Variants in ERN2 observed in about 807,000 individuals in gnomAD.
ERN2 encodes the protein endoplasmic reticulum to nucleus signaling 2.
In ERN2, 111 loss-of-function variants were observed where a neutral mutation model predicts 107.9. That is an observed-to-expected ratio of 1.03 (90% CI 0.88 to 1.20). ERN2 has a LOEUF of 1.20. Among genes scored for constraint, ERN2 ranks in the 50% most tolerant of loss-of-function variants. The pLI is 0.00. For missense variants in ERN2, 1,225 were observed against 1,197.9 expected (o/e 1.02, Z -0.33); for synonymous variants, 524 against 501.7 (o/e 1.04, Z -0.59).
Position 23,706,376 on chromosome 16 carries a change from G to T in ERN2, c.543C>A (p.Thr181=). ...PRAPALRWNT[T]YRRYSAPPMD... ...TGGGGGGCGCTGAGTAGCGGCGGTA[G>T]GTGGTGTTCCAGCGCAGGGCTGGGG... is the stretch of plus-strand genomic sequence containing the variant. Residue 181 remains threonine, a synonymous_variant, in exon 7 of 22, where the codon ACC becomes ACA. Transcript: ENST00000256797. The T allele has an allele frequency of 6.4e-7, 1 of 1,570,448 alleles. No homozygotes were observed. Among genetic ancestry groups the T allele is most frequent in the East Asian group, 2.3e-5 (1 of 43,038 alleles).
chr16:23,702,712 G>A lies in ERN2; in HGVS notation c.855-10C>T, dbSNP rs1489675755. 4 of 1,610,768 alleles carry A rather than the reference G, an allele frequency of 2.5e-6. No individual in the cohort carries two copies. Among genetic ancestry groups the A allele is most frequent in the Non-Finnish European group, 3.4e-6 (4 of 1,176,950 alleles). On this transcript the variant is annotated splice_polypyrimidine_tract_variant and intron_variant, in intron 8 of 21. Transcript: ENST00000256797. ...CACATACAGCGTCATTCTAGTGGGAGAGAAGAAAAAGAAGAGAAGAATGAA... is the reference window on the plus strand; with the variant it reads ...CACATACAGCGTCATTCTAGTGGGAAAGAAGAAAAAGAAGAGAAGAATGAA...
intron 7 of ERN2, 125 bp from the exon 8 acceptor site, chr16:23,705,272 G>T: frequency 1.8e-6 from 2 of 1,095,976 alleles, no homozygotes; most frequent in Non-Finnish European, 2.6e-6. Flanking sequence ...CTGGACATGA[G>T]AATGTTTGTT....
chr16:23,705,778 G>A (rs963633779), intron 7 of ERN2, among the ~76,000 whole-genome samples: 3 of 152,162 alleles, frequency 2.0e-5, no homozygotes, highest in South Asian at 2.1e-4. Context: ...GCCAGGCTTG[G>A]TGGTACACAT....
intron 4 of ERN2, among the ~76,000 whole-genome samples, chr16:23,708,116 T>G (rs1210736327): frequency 6.6e-6 from 1 of 152,146 alleles, no homozygotes; most frequent in East Asian, 1.9e-4. Context: ...GGTGGTGCTC[T>G]CGGGACAGCT....
At chr16:23,700,062 C>T (rs539999755) in intron 13 of ERN2, among the ~76,000 whole-genome samples, 1 of 152,084 alleles carries the variant, frequency 6.6e-6, no homozygotes, top group African/African-American at 2.4e-5. Context: ...GGCATGGTGA[C>T]TCATGCCTGT....
chr16:23,695,413 G>A lies in ERN2; in HGVS notation c.1611-24C>T, dbSNP rs752467544. 10 of 1,562,902 alleles carry A rather than the reference G, an allele frequency of 6.4e-6. 1 individual carries two copies. The Admixed American group carries it at 1.2e-4, about 18-fold the overall frequency. On this transcript the variant is annotated intron_variant, in intron 14 of 21. Transcript: ENST00000256797. ...CCCTGGAAAGTGGGTGATGGCGGGG[G>A]CAGGGGGGCATTCAGGGAAAGCAGA...
In ERN2 at chr16:23,700,983, C is replaced by A; in HGVS notation, c.1335G>T (p.Gly445=). 1 of 1,614,074 alleles carries A rather than the reference C, an allele frequency of 6.2e-7. No homozygotes were observed. Among genetic ancestry groups the A allele is most frequent in the Non-Finnish European group, 8.5e-7 (1 of 1,179,970 alleles). ...CCTGCCTCATCACAAAGAGAATCCA[C>A]CCTCCCAGGAGGACAGCAGTGAGGC... The part of the protein sequence containing the change: ...AASLTAVLLG[G]WILFVMRQQQ... The change falls in exon 12 of 22, where the codon GGG becomes GGT. Residue 445 remains glycine (G), a synonymous_variant. Coordinates refer to ENST00000256797, the MANE Select transcript of ERN2 (RefSeq NM_033266.4).
Position 23,695,087 on chromosome 16 carries a change from C to T in ERN2, c.1832G>A (p.Gly611Asp), listed in dbSNP as rs552157277. 5 of 1,613,894 alleles carry T rather than the reference C, an allele frequency of 3.1e-6. No homozygotes were observed. Among genetic ancestry groups the T allele is most frequent in the Admixed American group, 1.7e-5 (1 of 59,966 alleles). Residue 611 changes from glycine to aspartate, a missense_variant, in exon 16 of 22, where the codon GGT becomes GAT. By Grantham distance (94) the Gly-to-Asp change is moderately conservative. Transcript: ENST00000256797. ...CTGCAGCACGACCTCGGGCTCCAGA[C>T]CCCCGCGATCCAGGTCCGGGTTTTC... ...YVENPDLDRG[G>D]LEPEVVLQQL...
chr16:23,695,073 C>T lies in ERN2; in HGVS notation c.1846G>A (p.Val616Ile). The change falls in exon 16 of 22, where the codon GTC becomes ATC. Residue 616 changes from valine (V) to isoleucine (I), a missense_variant. Physicochemically the swap from Val to Ile is conservative, Grantham distance 29 (BLOSUM62 3). Coordinates refer to ENST00000256797, the MANE Select transcript of ERN2 (RefSeq NM_033266.4). ...CCAGACATCAGCTGCTGCAGCACGA[C>T]CTCGGGCTCCAGACCCCCGCGATCC... ...DLDRGGLEPE[V>I]VLQQLMSGLA... is the part of the protein sequence containing the mutation. 1 of 1,613,864 alleles carries T rather than the reference C, an allele frequency of 6.2e-7. No individual in the cohort carries two copies. The highest frequency in any genetic ancestry group is 8.5e-7 in the Non-Finnish European group (1 of 1,179,930).
Position 23,700,514 on chromosome 16 carries a change from C to T in ERN2, c.1525+25G>A, listed in dbSNP as rs542233388. 96 of 1,594,246 alleles carry T rather than the reference C, an allele frequency of 6.0e-5. 2 individuals carry two copies. The South Asian group carries it at 9.0e-4, about 15-fold the overall frequency. Reference sequence around the variant, plus strand: ...CCTGGCTTTTCTCTGTTCCTGACTGCCCTGTCTTGTTCACACAGGCTCACC... The same window carrying T: ...CCTGGCTTTTCTCTGTTCCTGACTGTCCTGTCTTGTTCACACAGGCTCACC... On this transcript the variant is annotated intron_variant, in intron 13 of 21. Coordinates refer to ENST00000256797, the MANE Select transcript of ERN2 (RefSeq NM_033266.4).
Position 23,695,300 on chromosome 16 carries a change from TC to T in ERN2, c.1699del (p.Glu567SerfsTer36). ...GAGCACGTTGGGGTGCCTGTCAGAC[TC>T]CTGCAGCAGTTGAACTTCCCGCCGA... ...LVRREVQLLQESDRHPNVLRY... is the reference protein window; with the variant it reads ...LVRREVQLLQXSDRHPNVLRY... On this transcript the variant is annotated frameshift_variant, in exon 15 of 22. Coordinates refer to ENST00000256797, the MANE Select transcript of ERN2 (RefSeq NM_033266.4). LOFTEE classifies it high-confidence loss of function. 6.2e-7 allele frequency: 1 copy of T among 1,613,896 alleles called. No homozygotes were observed. The highest frequency in any genetic ancestry group is 8.5e-7 in the Non-Finnish European group (1 of 1,179,970).
intron 17 of ERN2, among the ~76,000 whole-genome samples, chr16:23,693,352 C>T (rs919298660): frequency 2.6e-5 from 4 of 152,008 alleles, no homozygotes; most frequent in Non-Finnish European, 4.4e-5. Flanking sequence ...TTTGGGAGGC[C>T]GAGGTAGGTG....
chr16:23,690,750 C>T lies in ERN2; in HGVS notation c.*81G>A. 1.2e-6 allele frequency: 1 copy of T among 802,608 alleles called. No homozygotes were observed. Among genetic ancestry groups the T allele is most frequent in the South Asian group, 2.0e-5 (1 of 50,248 alleles). The allele number at this position is 802,608 out of a possible 1,614,324, so 49.7% of individuals were successfully genotyped here. On this transcript the variant is annotated 3_prime_UTR_variant, in exon 22 of 22. Coordinates refer to ENST00000256797, the MANE Select transcript of ERN2 (RefSeq NM_033266.4). ...GATTACAGGTGTGAGCCACTGCACC[C>T]AGCCTGATTCTGAGGCCAGCCACAG...
chr16:23,709,228 C>A (rs774565344), intron 4 of ERN2: 1 of 454,390 alleles, frequency 2.2e-6, no homozygotes, highest in African/African-American at 2.0e-5. Flanking sequence ...GCCAGGAGTT[C>A]GAGGCTGCAG....
chr16:23,693,356 G>A (rs745778726), intron 17 of ERN2, among the ~76,000 whole-genome samples: 10 of 152,064 alleles, frequency 6.6e-5, no homozygotes, highest in Admixed American at 1.3e-4. Flanking sequence ...GGAGGCCGAG[G>A]TAGGTGAATC....
chr16:23,708,815 C>G (rs1960427311), intron 4 of ERN2, among the ~76,000 whole-genome samples: 3 of 152,164 alleles, frequency 2.0e-5, no homozygotes, highest in Admixed American at 2.0e-4. Flanking sequence ...TGAGGTCTCT[C>G]CAGAAGCAGA....
intron 14 of ERN2, 41 bp from the exon 15 acceptor site, chr16:23,695,430 G>T: frequency 6.5e-7 from 1 of 1,543,284 alleles, no homozygotes. Context: ...GGCATTCAGG[G>T]AAAGCAGATA....
Position 23,692,322 on chromosome 16 carries a change from C to G in ERN2, c.2110G>C (p.Val704Leu). The change falls in exon 18 of 22, where the codon GTG (valine) becomes CTG (leucine). Residue 704 changes from valine to leucine, a missense_variant. By Grantham distance (32) the Val-to-Leu change is conservative (BLOSUM62 1). Transcript: ENST00000256797. Reference sequence around the variant, plus strand: ...ACGCAGCCTGCAGAGAAGATGTCCACAGCGCTGGTCTGGAGCCAGAGAGAT... The same window carrying G: ...ACGCAGCCTGCAGAGAAGATGTCCAGAGCGCTGGTCTGGAGCCAGAGAGAT... Reference protein sequence around the residue: ...LLPPDSPTSAVDIFSAGCVFY... With the variant: ...LLPPDSPTSALDIFSAGCVFY... 1.2e-6 allele frequency: 2 copies of G among 1,613,048 alleles called. No homozygotes were observed. The highest frequency in any genetic ancestry group is 2.2e-5 in the South Asian group (2 of 91,078).
rs775043331 is a variant in ERN2, at chr16:23,711,032, G to A, written c.94-14C>T. The A allele has an allele frequency of 6.3e-7, 1 of 1,593,546 alleles. No homozygotes were observed. Among genetic ancestry groups the A allele is most frequent in the Non-Finnish European group, 8.6e-7 (1 of 1,161,414 alleles). ...GAGAGTATGAACCTGCAAGGGGGTA[G>A]AGACAAAGTCAGCTCTCTGAGGGGT... On this transcript the variant is annotated splice_polypyrimidine_tract_variant and intron_variant, in intron 1 of 21. Transcript: ENST00000256797.
Sources: allele counts gnomAD v4.1 joint callset (sites outside exome capture counted in the v4.1 genomes callset), GRCh38; gene constraint gnomAD v4.1.1; transcripts MANE v1.5; gene names NCBI Gene and HGNC (gene_info 2026-07-23, HGNC 2026-07-21).